The following SUN5 variants were observed in gnomAD, a reference collection of about 807,000 sequenced individuals.
The protein encoded by SUN5 is Sad1 and UNC84 domain containing 5.
A neutral mutation model predicts 53.7 loss-of-function variants in SUN5; 44 were observed. The observed-to-expected ratio is 0.82, with a 90% CI of 0.64 to 1.05. The LOEUF (loss-of-function observed/expected upper bound fraction) is 1.05. SUN5 is among the 50% of genes least tolerant of loss of function. The probability of loss-of-function intolerance (pLI) is 0.00; values close to 1 mark genes in which losing one functional copy is unlikely to be tolerated. For missense variants in SUN5, 433 were observed against 483.8 expected (o/e 0.90, Z 0.98); for synonymous variants, 166 against 179.8 (o/e 0.92, Z 0.62).
chr20:32,988,225 C>T (rs1160869293), intron 9 of SUN5, among the ~76,000 whole-genome samples: 1 of 152,294 alleles, frequency 6.6e-6, no homozygotes, highest in East Asian at 1.9e-4. Context: ...GACCGACACC[C>T]ATTGTGCAGA....
At chr20:32,996,196 T>C (rs1447924520) in intron 7 of SUN5, 128 bp downstream of exon 7, 17 of 873,796 alleles carry the variant, frequency 1.9e-5, no homozygotes, top group Non-Finnish European at 2.7e-5. Context: ...GTAGAAGGCA[T>C]GGGAGTTAGG....
intron 6 of SUN5, 31 bp downstream of exon 6, chr20:32,997,607 G>C: frequency 6.2e-7 from 1 of 1,613,054 alleles, no homozygotes; most frequent in Non-Finnish European, 8.5e-7. Flanking sequence ...AGACCTGTCA[G>C]CTGTGGGGCC....
chr20:33,001,565 TTCTTCCTTC>T (rs761490692), intron 3 of SUN5, among the ~76,000 whole-genome samples: 7 of 121,694 alleles, frequency 5.8e-5, no homozygotes, highest in East Asian at 2.0e-4. Context: ...TTTCTTTCTT[TTCTTCCTTC>T]CTTCCTTTCT....
chr20:32,984,715 TCA>T (rs978073948), intron 12 of SUN5, among the ~76,000 whole-genome samples: 2 of 152,194 alleles, frequency 1.3e-5, no homozygotes, highest in Non-Finnish European at 2.9e-5. Context: ...CCTTCAGGCC[TCA>T]GTTTCCCCAC....
At chr20:32,984,808 G>A (rs1286931655) in intron 12 of SUN5, among the ~76,000 whole-genome samples, 1 of 152,194 alleles carries the variant, frequency 6.6e-6, no homozygotes, top group Non-Finnish European at 1.5e-5. Context: ...CTGCCCAATG[G>A]GAACCTCTTG....
At chr20:32,996,609 C>G (rs142032340) in intron 6 of SUN5, among the ~76,000 whole-genome samples, 2 of 147,400 alleles carry the variant, frequency 1.4e-5, no homozygotes, top group African/African-American at 5.0e-5. Flanking sequence ...CCCACCCTCC[C>G]TTATCCATCT....
chr20:33,002,798 A>G (rs1165143949), intron 2 of SUN5, 63 bp downstream of exon 2: 2 of 1,609,740 alleles, frequency 1.2e-6, no homozygotes, highest in African/African-American at 1.3e-5. Flanking sequence ...TGCCCGTTTG[A>G]CATCCCTGAG....
At chr20:32,988,020 C>T (rs1230529292) in intron 9 of SUN5, among the ~76,000 whole-genome samples, 1 of 152,030 alleles carries the variant, frequency 6.6e-6, no homozygotes, top group East Asian at 1.9e-4. Context: ...TGCAGTGGCG[C>T]GATCTTGGCT....
At chr20:32,994,997 A>G (rs1989805725) in intron 8 of SUN5, among the ~76,000 whole-genome samples, 1 of 152,228 alleles carries the variant, frequency 6.6e-6, no homozygotes, top group Admixed American at 6.5e-5. Flanking sequence ...CAGAAAAAGA[A>G]TGAAAAAACA....
chr20:32,997,071 C>G (rs887511672), intron 6 of SUN5, among the ~76,000 whole-genome samples: 2 of 152,178 alleles, frequency 1.3e-5, no homozygotes, highest in Admixed American at 1.3e-4. Context: ...CAACTTCTGC[C>G]TGGGTGTTTC....
chr20:32,988,102 C>T (rs995421835), intron 9 of SUN5, among the ~76,000 whole-genome samples: 2 of 152,082 alleles, frequency 1.3e-5, no homozygotes, highest in Admixed American at 1.3e-4. Context: ...ATGGTGGTGG[C>T]AACGGCCCCC....
chr20:32,995,764 T>A (rs750045110), intron 7 of SUN5, 37 bp from the exon 8 acceptor site: 1 of 1,570,072 alleles, frequency 6.4e-7, no homozygotes, highest in African/African-American at 1.4e-5. Context: ...ACAGGTTGAT[T>A]TGTGATGCGT....
At chr20:33,003,312 G>C (rs184084658) in intron 1 of SUN5, among the ~76,000 whole-genome samples, 205 of 152,234 alleles carry the variant, frequency 1.3e-3, no homozygotes, top group African/African-American at 4.8e-3. Flanking sequence ...GTGAGGTAGG[G>C]GGGTGGTTAC....
chr20:32,985,637 G>A (rs1341509080), intron 11 of SUN5, 99 bp downstream of exon 11: 1 of 1,439,996 alleles, frequency 6.9e-7, no homozygotes, highest in Non-Finnish European at 9.4e-7. Flanking sequence ...CCTCCAGCCT[G>A]CAAGTGTTGT....
At chr20:32,987,578 T>G in intron 10 of SUN5, 82 bp downstream of exon 10, 7 of 207,616 alleles carry the variant, frequency 3.4e-5, no homozygotes, top group Admixed American at 9.0e-5. Flanking sequence ...TCCCACCCCC[T>G]ACCTCTTCTG....
rs377275698 is a variant in SUN5, at chr20:33,000,152, G to A, written c.279-17C>T. The A allele has an allele frequency of 1.3e-5, 21 of 1,594,968 alleles. No individual in the cohort carries two copies. Among genetic ancestry groups the A allele is most frequent in the Non-Finnish European group, 1.6e-5 (19 of 1,172,178 alleles). ...AGCTTGCATCTGGAAGGCAGGGAGT[G>A]GTGGTCAAGATCAGGTGGGCAAGGC... On this transcript the variant is annotated splice_polypyrimidine_tract_variant and intron_variant, in intron 4 of 12. Coordinates refer to ENST00000356173, the MANE Select transcript of SUN5 (RefSeq NM_080675.4).
chr20:32,987,628 GC>G (rs769793129), intron 10 of SUN5, 31 bp downstream of exon 10: 1 of 1,539,104 alleles, frequency 6.5e-7, no homozygotes, highest in East Asian at 2.4e-5. Flanking sequence ...CCACTCCCCT[GC>G]CGCTGTCCCA....
In SUN5 at chr20:32,985,874, G is replaced by T; in HGVS notation, c.759C>A (p.Ala253=). ...EPNVTPGNCW[A]FEGDRGQVTI... is the part of the protein sequence containing the mutation. ...TCACCTGGCCGCGGTCACCCTCAAA[G>T]GCCCAGCAATTGCCAGGTGTCACGT... The change falls in exon 11 of 13, where the codon GCC becomes GCA. Residue 253 remains alanine (A), a synonymous_variant. Transcript: ENST00000356173. 6.2e-7 allele frequency: 1 copy of T among 1,614,022 alleles called. No homozygotes were observed.
intron 5 of SUN5, chr20:32,999,828 C>T: frequency 7.4e-7 from 1 of 1,343,464 alleles, no homozygotes; most frequent in Non-Finnish European, 1.0e-6. Context: ...CATGGAAACC[C>T]AGAAAGCGGA....
Sources: allele counts gnomAD v4.1 joint callset (sites outside exome capture counted in the v4.1 genomes callset), GRCh38; gene constraint gnomAD v4.1.1; transcripts MANE v1.5; gene names NCBI Gene and HGNC (gene_info 2026-07-23, HGNC 2026-07-21).